The following CACNB2 variants were observed in gnomAD, a reference collection of about 807,000 sequenced individuals.
CACNB2 encodes calcium voltage-gated channel auxiliary subunit beta 2, also known as voltage-dependent L-type calcium channel subunit beta-2.
In CACNB2, 42 loss-of-function variants were observed where a neutral mutation model predicts 73.3. That is an observed-to-expected ratio of 0.57 (90% CI 0.45 to 0.74). CACNB2 has a LOEUF of 0.74. Ranked by LOEUF, CACNB2 falls within the 30% of genes least tolerant of loss-of-function variation. The pLI is 0.00. For missense variants in CACNB2, 940 were observed against 853.0 expected, an observed-to-expected ratio of 1.10 and a Z score of -1.27; for synonymous variants, 348 against 310.3, an observed-to-expected ratio of 1.12 and a Z score of -1.28.
chr10:18,326,716 T>C (rs530165542), intron 2 of CACNB2, among the ~76,000 whole-genome samples: 4 of 152,316 alleles, frequency 2.6e-5, no homozygotes, highest in Admixed American at 2.6e-4. Context: ...TTCATGTTAA[T>C]TCAGAAAGTA....
At chr10:18,375,625 C>G (rs1471905851) in intron 2 of CACNB2, among the ~76,000 whole-genome samples, 1 of 152,006 alleles carries the variant, frequency 6.6e-6, no homozygotes, top group African/African-American at 2.4e-5. Flanking sequence ...TTTCTAGGAC[C>G]CTTATTGGGG....
rs1317880652 is a variant in CACNB2 at position 18,297,009 on chromosome 10, T to C, written c.214-104915T>C. ...AAAACAACATGTAAAAAGTATGTAT[T>C]GTAGTGCCAGCGCATAAAAGTAATT... On this transcript the variant is annotated intron_variant, in intron 2 of 13. Coordinates refer to ENST00000324631, the MANE Select transcript of CACNB2 (RefSeq NM_201596.3). 2.6e-5 allele frequency among the ~76,000 whole-genome samples: 4 copies of C among 152,212 alleles called. No homozygotes were observed. The East Asian group carries it at 7.7e-4, about 29-fold the overall frequency.
In CACNB2 at chr10:18,153,563, C is replaced by T. The variant is rs1477876534; in HGVS notation, c.213+2588C>T. 4.9e-5 allele frequency among the ~76,000 whole-genome samples: 7 copies of T among 142,744 alleles called. No homozygotes were observed. The East Asian group carries it at 6.2e-4, about 13-fold the overall frequency. 93.6% of individuals were successfully genotyped at this position (142,744 alleles called of 152,430 possible). On this transcript the variant is annotated intron_variant, in intron 2 of 13. Coordinates refer to ENST00000324631, the MANE Select transcript of CACNB2 (RefSeq NM_201596.3). ...GTGACAATGGGCACACTAGATTTTA[C>T]TTATTTATTTATTTATTTATTTATT...
At chr10:18,212,451 C>A (rs1302648810) in intron 2 of CACNB2, among the ~76,000 whole-genome samples, 1 of 152,044 alleles carries the variant, frequency 6.6e-6, no homozygotes, top group Non-Finnish European at 1.5e-5. Context: ...CAAATATCTA[C>A]CCCCAGTCTA....
At chr10:18,203,405 A>G (rs1231852258) in intron 2 of CACNB2, among the ~76,000 whole-genome samples, 1 of 152,230 alleles carries the variant, frequency 6.6e-6, no homozygotes, top group East Asian at 1.9e-4. Flanking sequence ...TTTGATATTT[A>G]CAGCTTTCTC....
At chr10:18,221,223 A>G (rs2035780478) in intron 2 of CACNB2, among the ~76,000 whole-genome samples, 1 of 152,214 alleles carries the variant, frequency 6.6e-6, no homozygotes, top group African/African-American at 2.4e-5. Flanking sequence ...TTCTAGCGTG[A>G]CTATATAAAT....
At chr10:18,234,265 A>T (rs1186339804) in intron 2 of CACNB2, 4 of 152,238 alleles carry the variant, frequency 2.6e-5, no homozygotes, top group Non-Finnish European at 5.9e-5. Context: ...GATATCTTAA[A>T]ATGAGAATAG....
At chr10:18,469,188 T>A (rs2048052191) in intron 3 of CACNB2, among the ~76,000 whole-genome samples, 1 of 151,990 alleles carries the variant, frequency 6.6e-6, no homozygotes, top group African/African-American at 2.4e-5. Flanking sequence ...TGCAGTGAGC[T>A]ATGAGTGCAC....
At chr10:18,325,587 C>G (rs769149148) in intron 2 of CACNB2, among the ~76,000 whole-genome samples, 49 of 149,730 alleles carry the variant, frequency 3.3e-4, no homozygotes, top group African/African-American at 1.1e-3. Flanking sequence ...CTTTTTCTTT[C>G]TCTCTTTCTC....
intron 2 of CACNB2, among the ~76,000 whole-genome samples, chr10:18,152,735 A>AAC (rs2031695636): frequency 8.3e-6 from 1 of 121,110 alleles, no homozygotes. Flanking sequence ...AAAAAAAACA[A>AAC]AAAACAAAAC....
Position 18,432,994 on chromosome 10 carries a change from G to A in CACNB2, c.333+30951G>A, listed in dbSNP as rs985731832. Among the ~76,000 whole-genome samples the A allele has an allele frequency of 4.5e-4, 68 of 152,130 alleles. 1 individual carries two copies. Among genetic ancestry groups the A allele is most frequent in the Non-Finnish European group, 6.8e-4 (46 of 68,028 alleles). On this transcript the variant is annotated intron_variant, in intron 3 of 13. Transcript: ENST00000324631. ...ATGACTGGTGTCAGCTATCTTTTAT[G>A]ACTGCCCAAATATCGCTTCCCTTTG...
intron 2 of CACNB2, among the ~76,000 whole-genome samples, chr10:18,274,780 T>C (rs1265399676): frequency 1.3e-5 from 2 of 152,180 alleles, no homozygotes; most frequent in African/African-American, 4.8e-5. Flanking sequence ...AATAGGATTC[T>C]TATTTCTATG....
At chr10:18,330,940 T>A (rs564708964) in intron 2 of CACNB2, among the ~76,000 whole-genome samples, 2 of 151,798 alleles carry the variant, frequency 1.3e-5, no homozygotes, top group African/African-American at 4.8e-5. Context: ...GTGCTGGGAT[T>A]ACAGGTGTGA....
intron 2 of CACNB2, among the ~76,000 whole-genome samples, chr10:18,334,422 C>T (rs987529295): frequency 6.6e-6 from 1 of 152,146 alleles, no homozygotes; most frequent in Non-Finnish European, 1.5e-5. Flanking sequence ...TTTGCCTCTC[C>T]AGTCTTCTGT....
intron 2 of CACNB2, among the ~76,000 whole-genome samples, chr10:18,279,018 C>T (rs1564399182): frequency 2.0e-5 from 3 of 150,952 alleles, no homozygotes; most frequent in Non-Finnish European, 1.5e-5. Context: ...TCCTGTCTTA[C>T]AAAAAAAAAT....
chr10:18,284,688 C>T (rs983758335), intron 2 of CACNB2, among the ~76,000 whole-genome samples: 13 of 152,122 alleles, frequency 8.5e-5, no homozygotes, highest in Non-Finnish European at 1.9e-4. Flanking sequence ...CTTCCTAGAG[C>T]CAGGATAGCT....
chr10:18,142,858 A>C (rs2030562446), intron 1 of CACNB2, among the ~76,000 whole-genome samples: 1 of 152,256 alleles, frequency 6.6e-6, no homozygotes, highest in African/African-American at 2.4e-5. Flanking sequence ...CTGGAAGAGA[A>C]GTTCTGACTA....
At chr10:18,193,385 C>A (rs2034492802) in intron 2 of CACNB2, among the ~76,000 whole-genome samples, 1 of 151,996 alleles carries the variant, frequency 6.6e-6, no homozygotes. Context: ...TCGATTATAG[C>A]CATCCTGTGG....
At chr10:18,299,133 A>C (rs1012249307) in intron 2 of CACNB2, among the ~76,000 whole-genome samples, 1 of 151,796 alleles carries the variant, frequency 6.6e-6, no homozygotes, top group African/African-American at 2.4e-5. Flanking sequence ...AAAAGAAAAA[A>C]AAAGTTACCA....
Sources: gnomAD v4.1 joint callset for allele counts (sites outside exome capture counted in the v4.1 genomes callset) on GRCh38, gnomAD v4.1.1 for gene constraint, MANE v1.5 for transcripts, NCBI Gene and HGNC (gene_info 2026-07-23, HGNC 2026-07-21) for gene names.